Variants in SOX3 observed in about 807,000 individuals in gnomAD.
The protein encoded by SOX3 is transcription factor SOX-3.
A neutral mutation model predicts 4.6 loss-of-function variants in SOX3; 2 were observed. That is an observed-to-expected ratio of 0.43 (90% CI 0.18 to 1.36). SOX3 has a LOEUF of 1.36. Among genes scored for constraint, SOX3 ranks in the 40% most tolerant of loss-of-function variants. The pLI, the probability that SOX3 is intolerant of heterozygous loss-of-function variation, is 0.28. For missense variants in SOX3, 326 were observed against 441.9 expected (o/e 0.74, Z 2.35); for synonymous variants, 244 against 215.9 (o/e 1.13, Z -1.14).
chrX:140,504,838 C>T lies in SOX3; in HGVS notation c.223G>A (p.Ala75Thr). ...TCAGTCTCCAGAAGGCTGTACATTG[C>T]CGGGGCGGGAAGAAGGTGCGCCAGC... Reference protein sequence around the residue: ...ATLAHLLPAPAMYSLLETELK... With the variant: ...ATLAHLLPAPTMYSLLETELK... The change falls in exon 1 of 1, where the codon GCA (alanine) becomes ACA (threonine). Residue 75 changes from alanine to threonine, a missense_variant. By Grantham distance (58) the Ala-to-Thr change is moderately conservative (BLOSUM62 0). Coordinates refer to ENST00000370536, the MANE Select transcript of SOX3 (RefSeq NM_005634.3). The T allele has an allele frequency of 8.5e-7, 1 of 1,174,121 alleles. No individual in the cohort carries two copies. The highest frequency in any genetic ancestry group is 1.1e-6 in the Non-Finnish European group (1 of 876,505).
chrX:140,503,912 G>A lies in SOX3; in HGVS notation c.1149C>T (p.Pro383=). The change falls in exon 1 of 1, where the codon CCC becomes CCT. Residue 383 remains proline, a synonymous_variant. Transcript: ENST00000370536. ...CGCGCTGAGAGTGCGATGCGATGGC[G>A]GGCGGCGGCGAGCTGGGCTCAGACT... ...VVKSEPSSPP[P]AIASHSQRAC... 1 of 1,183,463 alleles carries A rather than the reference G, an allele frequency of 8.4e-7. No homozygotes were observed. Among genetic ancestry groups the A allele is most frequent in the South Asian group, 1.8e-5 (1 of 54,462 alleles).
Position 140,503,888 on chromosome X carries a change from G to A in SOX3, c.1173C>T (p.Arg391=). ...PPPAIASHSQ[R]ACLGDLRDMI... Reference sequence around the variant, plus strand: ...TGTCGCGCAGGTCGCCGAGGCACGCGCGCTGAGAGTGCGATGCGATGGCGG... The same window carrying A: ...TGTCGCGCAGGTCGCCGAGGCACGCACGCTGAGAGTGCGATGCGATGGCGG... Residue 391 remains arginine, a synonymous_variant, in exon 1 of 1, where the codon CGC becomes CGT. Coordinates refer to ENST00000370536, the MANE Select transcript of SOX3 (RefSeq NM_005634.3). 1.7e-6 allele frequency: 2 copies of A among 1,187,553 alleles called. No homozygotes were observed. Among genetic ancestry groups the A allele is most frequent in the Non-Finnish European group, 2.2e-6 (2 of 889,966 alleles).
chrX:140,505,034 T>A lies in SOX3; in HGVS notation c.27A>T (p.Ser9=). Residue 9 remains serine, a synonymous_variant, in exon 1 of 1, where the codon TCA becomes TCT. Coordinates refer to ENST00000370536, the MANE Select transcript of SOX3 (RefSeq NM_005634.3). ...CAGGAACCCGCGGGCTTCTCGCACC[T>A]GATGAGTTCTCTCGAACAGGTCGCA... is the stretch of plus-strand genomic sequence containing the variant. MRPVRENS[S]GARSPRVPAD... 1 of 1,207,614 alleles carries A rather than the reference T, an allele frequency of 8.3e-7. No individual in the cohort carries two copies. The highest frequency in any genetic ancestry group is 1.7e-5 in the African/African-American group (1 of 57,722).
Position 140,503,505 on chromosome X carries a change from AGAGC to A in SOX3, c.*211_*214del. On this transcript the variant is annotated 3_prime_UTR_variant, in exon 1 of 1. Transcript: ENST00000370536. Reference sequence around the variant, plus strand: ...GAAAGGAGCAGCGGCGTGGGGCAAGAGAGCTCTCTAGAAGTCCCATTTTCGCTGC... The same window carrying A: ...GAAAGGAGCAGCGGCGTGGGGCAAGATCTCTAGAAGTCCCATTTTCGCTGC... 2.6e-6 allele frequency: 1 copy of A among 379,612 alleles called. No individual in the cohort carries two copies. Among genetic ancestry groups the A allele is most frequent in the East Asian group, 4.2e-5 (1 of 24,094 alleles). 31.3% of individuals were successfully genotyped at this position (379,612 alleles called of 1,213,427 possible). A position where few individuals can be genotyped will look rare whatever the true frequency, so the allele number is the denominator to read the frequency against.
chrX:140,504,614 C>G lies in SOX3; in HGVS notation c.447G>C (p.Trp149Cys). 8.3e-7 allele frequency: 1 copy of G among 1,211,948 alleles called. No individual in the cohort carries two copies. The highest frequency in any genetic ancestry group is 1.1e-6 in the Non-Finnish European group (1 of 895,503). Residue 149 changes from tryptophan (W) to cysteine (C), a missense_variant, in exon 1 of 1, where the codon TGG becomes TGC. Coordinates refer to ENST00000370536, the MANE Select transcript of SOX3 (RefSeq NM_005634.3). ...CCATTTTGCGCCGCTGCCCGCGGGA[C>G]CATACCATGAAGGCGTTCATGGGCC... ...VKRPMNAFMVWSRGQRRKMAL... is the reference protein window; with the variant it reads ...VKRPMNAFMVCSRGQRRKMAL...
chrX:140,504,166 TCGGCGGCAGCGCGGG>T lies in SOX3; in HGVS notation c.880_894del (p.Pro294_Pro298del). On this transcript the variant is annotated inframe_deletion, in exon 1 of 1. Transcript: ENST00000370536. Reference sequence around the variant, plus strand: ...AGGCCGGCCATGTCGTAGCGGTGCATCGGCGGCAGCGCGGGCGGCGGCGGCGGGCTGCTCATGCTC... The same window carrying T: ...AGGCCGGCCATGTCGTAGCGGTGCATCGGCGGCGGCGGGCTGCTCATGCTC... The T allele has an allele frequency of 9.4e-7, 1 of 1,067,848 alleles. No homozygotes were observed. The highest frequency in any genetic ancestry group is 1.2e-6 in the Non-Finnish European group (1 of 829,005). 88.0% of individuals were successfully genotyped at this position (1,067,848 alleles called of 1,213,427 possible). A position where few individuals can be genotyped will look rare whatever the true frequency, so the allele number is the denominator to read the frequency against.
Position 140,504,746 on chromosome X carries a change from G to A in SOX3, c.315C>T (p.Gly105=). ...CTGCGTTCGCACTACTCTTGCCTGC[G>A]CCTCCCGGGGCTGCGGGGCCGCCGG... ...AGTGGPAAPG[G]AGKSSANAAG... is the part of the protein sequence containing the mutation. The change falls in exon 1 of 1, where the codon GGC becomes GGT. Residue 105 remains glycine (G), a synonymous_variant. Coordinates refer to ENST00000370536, the MANE Select transcript of SOX3 (RefSeq NM_005634.3). The A allele has an allele frequency of 8.5e-7, 1 of 1,174,078 alleles. No individual in the cohort carries two copies.
chrX:140,503,825 G>T lies in SOX3; in HGVS notation c.1236C>A (p.Ala412=). Residue 412 remains alanine (A), a synonymous_variant, in exon 1 of 1, where the codon GCC becomes GCA. Coordinates refer to ENST00000370536, the MANE Select transcript of SOX3 (RefSeq NM_005634.3). ...CGCCGGGCAGCGGAGAGGCGGCGTCGGCCGCGTCCCCGCCGGGTGGCAGGT... is the reference window on the plus strand; with the variant it reads ...CGCCGGGCAGCGGAGAGGCGGCGTCTGCCGCGTCCCCGCCGGGTGGCAGGT... ...SMYLPPGGDA[A]DAASPLPGGR... 8.5e-7 allele frequency: 1 copy of T among 1,181,630 alleles called. No individual in the cohort carries two copies. Among genetic ancestry groups the T allele is most frequent in the Admixed American group, 2.3e-5 (1 of 43,650 alleles).
chrX:140,504,242 C>G lies in SOX3; in HGVS notation c.819G>C (p.Ser273=), dbSNP rs1927322567. The stretch of plus-strand genomic sequence containing the variant: ...CGTAGCCCAGCTGCTCCTGCACCAG[C>G]GAGTACGCGCCGTTGGCCCAGCCGT... ...HVNGWANGAY[S]LVQEQLGYAQ... The change falls in exon 1 of 1, where the codon TCG becomes TCC. Residue 273 remains serine, a synonymous_variant. Coordinates refer to ENST00000370536, the MANE Select transcript of SOX3 (RefSeq NM_005634.3). 1 of 1,116,819 alleles carries G rather than the reference C, an allele frequency of 9.0e-7. No individual in the cohort carries two copies. The highest frequency in any genetic ancestry group is 1.2e-6 in the Non-Finnish European group (1 of 852,668). The allele number at this position is 1,116,819 out of a possible 1,213,427, so 92.0% of individuals were successfully genotyped here. A position where few individuals can be genotyped will look rare whatever the true frequency, so the allele number is the denominator to read the frequency against.
Sources: gnomAD v4.1 joint callset for allele counts on GRCh38, gnomAD v4.1.1 for gene constraint, MANE v1.5 for transcripts, NCBI Gene and HGNC (gene_info 2026-07-23, HGNC 2026-07-21) for gene names.